Variants in RASA3 observed in about 807,000 individuals in gnomAD.
RASA3 encodes the protein RAS p21 protein activator 3, also known as ras GTPase-activating protein 3.
Under a neutral mutation model 110.0 loss-of-function variants are expected in RASA3, and 73 were observed. The observed-to-expected ratio is 0.66, with a 90% CI of 0.55 to 0.81. RASA3 has a LOEUF of 0.81. RASA3 is among the 30% of genes least tolerant of loss of function. RASA3 has a pLI of 0.00. For missense variants in RASA3, 976 were observed against 1,113.2 expected, an observed-to-expected ratio of 0.88 and a Z score of 1.75; for synonymous variants, 500 against 451.4, an observed-to-expected ratio of 1.11 and a Z score of -1.37.
chr13:114,054,900 C>T (rs946105195), intron 2 of RASA3, among the ~76,000 whole-genome samples: 3 of 152,242 alleles, frequency 2.0e-5, no homozygotes, highest in Non-Finnish European at 2.9e-5. Flanking sequence ...TGGGCACCGC[C>T]GAGATCTGAT....
At chr13:114,044,765 G>A (rs1203590561) in intron 3 of RASA3, among the ~76,000 whole-genome samples, 1 of 151,714 alleles carries the variant, frequency 6.6e-6, no homozygotes, top group Non-Finnish European at 1.5e-5. Context: ...TAAATCTTCA[G>A]ACTCCAAGAC....
chr13:114,035,845 G>C (rs544333321), intron 4 of RASA3: 1 of 152,262 alleles, frequency 6.6e-6, no homozygotes, highest in Non-Finnish European at 1.5e-5. Flanking sequence ...CGGTGACTTT[G>C]TTTGCTCCGA....
intron 2 of RASA3, among the ~76,000 whole-genome samples, chr13:114,052,971 TGCTG>T (rs1293359365): frequency 0.016 from 1,919 of 122,974 alleles, 11 homozygotes; most frequent in African/African-American, 0.032. Context: ...AAATCGCCAC[TGCTG>T]ACTGTGCGTA....
chr13:114,110,747 C>G (rs1467171850), intron 1 of RASA3, among the ~76,000 whole-genome samples: 1 of 152,220 alleles, frequency 6.6e-6, no homozygotes, highest in African/African-American at 2.4e-5. Context: ...CTCAGCCTCC[C>G]GCGTCCCCAC....
intron 1 of RASA3, among the ~76,000 whole-genome samples, chr13:114,124,016 C>T (rs1015027407): frequency 6.6e-6 from 1 of 152,166 alleles, no homozygotes; most frequent in African/African-American, 2.4e-5. Flanking sequence ...GCACCGGTTT[C>T]GGTCCCCAGT....
At chr13:114,021,745 T>C (rs1019541003) in intron 8 of RASA3, among the ~76,000 whole-genome samples, 1 of 152,184 alleles carries the variant, frequency 6.6e-6, no homozygotes, top group Non-Finnish European at 1.5e-5. Context: ...CGGAAGGCCA[T>C]GGGCCCGGAC....
intron 21 of RASA3, among the ~76,000 whole-genome samples, chr13:113,994,038 A>T (rs2053180412): frequency 6.6e-6 from 1 of 152,228 alleles, no homozygotes; most frequent in Non-Finnish European, 1.5e-5. Context: ...ACTTTTTAAA[A>T]GGCAGAAATG....
At chr13:113,992,794 C>T (rs1443678638) in intron 21 of RASA3, among the ~76,000 whole-genome samples, 1 of 152,224 alleles carries the variant, frequency 6.6e-6, no homozygotes, top group Non-Finnish European at 1.5e-5. Flanking sequence ...GCAGCACGGA[C>T]AGCAGTGTCA....
At chr13:114,023,631 C>G (rs926786931) in intron 8 of RASA3, among the ~76,000 whole-genome samples, 2 of 152,208 alleles carry the variant, frequency 1.3e-5, no homozygotes, top group African/African-American at 4.8e-5. Context: ...TCAGCGGGAT[C>G]GTGGGGCTCT....
chr13:114,039,750 C>T (rs1378663987), intron 4 of RASA3, among the ~76,000 whole-genome samples: 2 of 152,240 alleles, frequency 1.3e-5, no homozygotes, highest in African/African-American at 2.4e-5. Flanking sequence ...ACCGTGCGTC[C>T]GTGAGCAGCT....
intron 1 of RASA3, chr13:114,078,065 C>T (rs1033462842): frequency 2.7e-5 from 25 of 916,530 alleles, no homozygotes; most frequent in East Asian, 1.2e-4. Flanking sequence ...GCCTGCTGGA[C>T]GCACCAACAT....
intron 1 of RASA3, among the ~76,000 whole-genome samples, chr13:114,132,076 G>GGC (rs1874433439): frequency 6.6e-6 from 1 of 151,956 alleles, no homozygotes. Flanking sequence ...GACAGCCTCA[G>GGC]GCGCGCGCAC....
Position 114,040,972 on chromosome 13 carries a change from G to C in RASA3, c.372+28C>G, listed in dbSNP as rs762566108. 8 of 1,610,422 alleles carry C rather than the reference G, an allele frequency of 5.0e-6. No individual in the cohort carries two copies. In the South Asian group the frequency reaches 6.6e-5, roughly 13 times the overall value. ...AGCCCCATGGTGTCCCAGGGCTCTG[G>C]TTTCCGGGGCTGCGCCGAGAGTCTC... On this transcript the variant is annotated intron_variant, in intron 4 of 23. Coordinates refer to ENST00000334062, the MANE Select transcript of RASA3 (RefSeq NM_007368.4).
intron 9 of RASA3, among the ~76,000 whole-genome samples, chr13:114,020,648 A>T (rs1016588270): frequency 6.6e-6 from 1 of 152,184 alleles, no homozygotes; most frequent in African/African-American, 2.4e-5. Flanking sequence ...CATGAACTGG[A>T]GATAAAATGA....
intron 2 of RASA3, among the ~76,000 whole-genome samples, chr13:114,054,843 G>A (rs138063291): frequency 5.3e-5 from 8 of 152,350 alleles, no homozygotes; most frequent in Admixed American, 2.0e-4. Flanking sequence ...ACATTCTCGC[G>A]TTGGTCGTTG....
At chr13:114,066,121 C>T (rs1042250290) in intron 2 of RASA3, among the ~76,000 whole-genome samples, 1 of 140,104 alleles carries the variant, frequency 7.1e-6, no homozygotes, top group African/African-American at 3.0e-5. Flanking sequence ...GTGGCCTCGG[C>T]TCCCGCCTCT....
At chr13:113,997,901 G>A (rs1443576341) in intron 20 of RASA3, among the ~76,000 whole-genome samples, 1 of 152,200 alleles carries the variant, frequency 6.6e-6, no homozygotes, top group Admixed American at 6.5e-5. Flanking sequence ...CGGCACATGT[G>A]TATAGGTCTC....
rs1203484324 is a variant in RASA3 at position 114,013,690 on chromosome 13, CTCTG to C, written c.1406-446_1406-443del. Among the ~76,000 whole-genome samples, 3 of 94,968 alleles carry C rather than the reference CTCTG, an allele frequency of 3.2e-5. No homozygotes were observed. In the South Asian group the frequency reaches 1.2e-3, roughly 37 times the overall value. 62.3% of individuals were successfully genotyped at this position (94,968 alleles called of 152,430 possible). A position where few individuals can be genotyped will look rare whatever the true frequency, so the allele number is the denominator to read the frequency against. On this transcript the variant is annotated intron_variant, in intron 14 of 23. Transcript: ENST00000334062. ...TCCCTCTCCCTGTCTCTCTCCCTAT[CTCTG>C]TCTCTCTCTCTCTCTCCCCCTCTCT...
chr13:114,051,269 C>T (rs1013125715), intron 3 of RASA3, among the ~76,000 whole-genome samples: 1 of 152,178 alleles, frequency 6.6e-6, no homozygotes, highest in African/African-American at 2.4e-5. Context: ...TACACACTGG[C>T]TCCCCGGCCG....
Sources: allele counts gnomAD v4.1 joint callset (sites outside exome capture counted in the v4.1 genomes callset), GRCh38; gene constraint gnomAD v4.1.1; transcripts MANE v1.5; gene names NCBI Gene and HGNC (gene_info 2026-07-23, HGNC 2026-07-21).